SPMIP2: variants seen among roughly 807,000 people sequenced by gnomAD.
SPMIP2 encodes the protein protein SPMIP2.
At chr4:158,955,876 TCTAA>T in the SPMIP2 span, among the ~76,000 whole-genome samples, 2 of 152,242 alleles carry the variant, frequency 1.3e-5, 1 homozygote, top group African/African-American at 4.8e-5. Context: ...GTAATTGTGC[TCTAA>T]CTGAATTTCT....
At chr4:158,944,696 T>C in the SPMIP2 span, among the ~76,000 whole-genome samples, 1 of 152,196 alleles carries the variant, frequency 6.6e-6, no homozygotes, top group African/African-American at 2.4e-5. Flanking sequence ...TCTGAGTTGA[T>C]CTGCTTCTAC....
the SPMIP2 span, among the ~76,000 whole-genome samples, chr4:158,959,887 T>C: frequency 1.3e-5 from 2 of 152,176 alleles, no homozygotes; most frequent in African/African-American, 4.8e-5. Flanking sequence ...TTACCCATTA[T>C]GATGGTTTCC....
At chr4:158,983,349 C>T in the SPMIP2 span, among the ~76,000 whole-genome samples, 2 of 151,366 alleles carry the variant, frequency 1.3e-5, no homozygotes, top group Non-Finnish European at 2.9e-5. Context: ...AACTCCAAGA[C>T]ACATAATTGT....
chr4:158,954,964 T>C, the SPMIP2 span, among the ~76,000 whole-genome samples: 1 of 152,114 alleles, frequency 6.6e-6, no homozygotes, highest in African/African-American at 2.4e-5. Context: ...TTTATTCTGC[T>C]TGTTGAAATT....
chr4:159,064,266 T>C, the SPMIP2 span: 3 of 151,972 alleles, frequency 2.0e-5, no homozygotes, highest in African/African-American at 7.2e-5. Flanking sequence ...CATCTTCCAT[T>C]TTATTTTTAT....
the SPMIP2 span, among the ~76,000 whole-genome samples, chr4:159,019,313 A>T: frequency 3.4e-3 from 515 of 150,432 alleles, 4 homozygotes; most frequent in African/African-American, 0.012. Flanking sequence ...AAAAAAAAAA[A>T]AGCAAACCAT....
the SPMIP2 span, among the ~76,000 whole-genome samples, chr4:159,037,827 C>CACACAT: frequency 1.9e-3 from 237 of 126,008 alleles, no homozygotes; most frequent in Admixed American, 7.5e-3. Flanking sequence ...CACACACACA[C>CACACAT]ATATATATAT....
the SPMIP2 span, among the ~76,000 whole-genome samples, chr4:158,921,468 AAAAG>A: frequency 6.6e-6 from 1 of 152,050 alleles, no homozygotes; most frequent in Non-Finnish European, 1.5e-5. Flanking sequence ...AGGAAAAAGA[AAAAG>A]AAAAAAAGAA....
At chr4:159,040,093 A>G in the SPMIP2 span, among the ~76,000 whole-genome samples, 13 of 152,166 alleles carry the variant, frequency 8.5e-5, no homozygotes, top group Admixed American at 6.6e-5. Flanking sequence ...TGAACCTTAT[A>G]CTTTTAAGCA....
chr4:158,952,290 TC>T, the SPMIP2 span, among the ~76,000 whole-genome samples: 1 of 152,206 alleles, frequency 6.6e-6, no homozygotes, highest in Non-Finnish European at 1.5e-5. Flanking sequence ...TGAATTGTAC[TC>T]CCATAATTCC....
At chr4:158,909,874 C>T in the SPMIP2 span, among the ~76,000 whole-genome samples, 219 of 152,250 alleles carry the variant, frequency 1.4e-3, 2 homozygotes, top group Non-Finnish European at 1.6e-3. Flanking sequence ...AACCCTGCCT[C>T]TACTAAAAAT....
At chr4:158,912,736 G>A in the SPMIP2 span, among the ~76,000 whole-genome samples, 1 of 152,130 alleles carries the variant, frequency 6.6e-6, no homozygotes, top group African/African-American at 2.4e-5. Context: ...AAATTCTGCA[G>A]GACAGTCCAA....
the SPMIP2 span, among the ~76,000 whole-genome samples, chr4:158,952,265 A>C: frequency 6.6e-6 from 1 of 152,166 alleles, no homozygotes; most frequent in African/African-American, 2.4e-5. Flanking sequence ...CTGTGTCCCC[A>C]CCCAAATCTC....
At chr4:158,960,033 C>G in the SPMIP2 span, among the ~76,000 whole-genome samples, 11 of 152,048 alleles carry the variant, frequency 7.2e-5, no homozygotes, top group Admixed American at 3.3e-4. Flanking sequence ...CTTGCTTCTC[C>G]TTTTCTTTAC....
At chr4:159,080,654 A>G in the SPMIP2 span, among the ~76,000 whole-genome samples, 2 of 152,164 alleles carry the variant, frequency 1.3e-5, no homozygotes, top group African/African-American at 4.8e-5. Context: ...TTCTATTTCT[A>G]TATGTATATA....
the SPMIP2 span, among the ~76,000 whole-genome samples, chr4:158,960,996 G>A: frequency 6.9e-6 from 1 of 145,772 alleles, no homozygotes; most frequent in Admixed American, 7.3e-5. Context: ...GGCACATCTT[G>A]TAAATAAGCA....
At chr4:158,943,290 A>G in the SPMIP2 span, among the ~76,000 whole-genome samples, 6 of 152,198 alleles carry the variant, frequency 3.9e-5, no homozygotes, top group South Asian at 2.1e-4. Context: ...TACTTTTTCC[A>G]AAAGGTTAGC....
the SPMIP2 span, among the ~76,000 whole-genome samples, chr4:159,010,079 G>A: frequency 6.6e-6 from 1 of 152,164 alleles, no homozygotes; most frequent in Non-Finnish European, 1.5e-5. Flanking sequence ...GCAAAATCCC[G>A]GTGCTGAAAT....
At chr4:158,925,208 AT>A in the SPMIP2 span, among the ~76,000 whole-genome samples, 1 of 152,080 alleles carries the variant, frequency 6.6e-6, no homozygotes, top group East Asian at 1.9e-4. Flanking sequence ...TAATGATTTA[AT>A]TTTTTAACTT....
Sources: allele counts gnomAD v4.1 joint callset (sites outside exome capture counted in the v4.1 genomes callset), GRCh38; gene constraint gnomAD v4.1.1; transcripts MANE v1.5; gene names NCBI Gene and HGNC (gene_info 2026-07-23, HGNC 2026-07-21).